CPEB4: variants seen among roughly 807,000 people sequenced by gnomAD.
The protein encoded by CPEB4 is cytoplasmic polyadenylation element binding protein 4, also known as cytoplasmic polyadenylation element-binding protein 4.
In CPEB4, 12 loss-of-function variants were observed where a neutral mutation model predicts 72.5. The ratio of observed to expected loss-of-function variants is 0.17; its 90% CI spans 0.11 to 0.27. The LOEUF (loss-of-function observed/expected upper bound fraction) is 0.27, where lower values mean the gene tolerates loss of function less well. Among genes scored for constraint, CPEB4 ranks in the 10% least tolerant of loss-of-function variants. CPEB4 has a pLI of 1.00. For missense variants in CPEB4, 614 were observed against 908.5 expected (o/e 0.68, Z 4.17); for synonymous variants, 302 against 326.3 (o/e 0.93, Z 0.80).
intron 3 of CPEB4, among the ~76,000 whole-genome samples, chr5:173,941,785 C>T (rs193120689): frequency 3.3e-5 from 5 of 152,140 alleles, no homozygotes; most frequent in East Asian, 3.9e-4. Context: ...GGCTGAGGCA[C>T]GAGAATCGCT....
intron 2 of CPEB4, among the ~76,000 whole-genome samples, chr5:173,930,497 G>A (rs1180140999): frequency 6.6e-6 from 1 of 152,142 alleles, no homozygotes; most frequent in African/African-American, 2.4e-5. Flanking sequence ...GTAGATTTGG[G>A]TGCTTGGCTA....
chr5:173,896,890 A>T (rs2113129737), intron 1 of CPEB4, among the ~76,000 whole-genome samples: 1 of 152,298 alleles, frequency 6.6e-6, no homozygotes, highest in East Asian at 1.9e-4. Flanking sequence ...GTCAGACCCC[A>T]TCTCTAGAAA....
chr5:173,916,177 A>G (rs1452993050), intron 2 of CPEB4, among the ~76,000 whole-genome samples: 2 of 152,244 alleles, frequency 1.3e-5, no homozygotes, highest in Admixed American at 6.5e-5. Context: ...TGTTCTTCAG[A>G]TATGAAATTA....
chr5:173,952,777 A>G (rs548694424), intron 8 of CPEB4, among the ~76,000 whole-genome samples: 11 of 152,324 alleles, frequency 7.2e-5, no homozygotes, highest in African/African-American at 2.6e-4. Context: ...GAGTACTATC[A>G]CTTAATGACC....
At chr5:173,918,659 A>G (rs13158748) in intron 2 of CPEB4, among the ~76,000 whole-genome samples, 3 of 152,216 alleles carry the variant, frequency 2.0e-5, no homozygotes, top group Non-Finnish European at 2.9e-5. Context: ...CCAGATCCTC[A>G]TCTGCCCCGT....
At chr5:173,953,392 A>G in intron 9 of CPEB4, 120 bp downstream of exon 9, 1 of 719,386 alleles carries the variant, frequency 1.4e-6, no homozygotes, top group Non-Finnish European at 2.2e-6. Flanking sequence ...TTGCCTATAG[A>G]GTTAATTATG....
rs1046998185 is a variant in CPEB4 at position 173,961,286 on chromosome 5, A to G, written c.*5149A>G. 1 of 152,220 alleles carries G rather than the reference A, an allele frequency of 6.6e-6. No homozygotes were observed. The highest frequency in any genetic ancestry group is 1.5e-5 in the Non-Finnish European group (1 of 68,040). 9.4% of individuals were successfully genotyped at this position (152,220 alleles called of 1,614,324 possible). ...TGGGTGGCATTTGGTTATCAAGTCT[A>G]TAATATTCCTAGGCATTCTGGGATG... On this transcript the variant is annotated 3_prime_UTR_variant, in exon 10 of 10. Transcript: ENST00000265085.
At chr5:173,912,412 G>A (rs1207444704) in intron 2 of CPEB4, among the ~76,000 whole-genome samples, 2 of 152,028 alleles carry the variant, frequency 1.3e-5, no homozygotes, top group Admixed American at 6.6e-5. Context: ...TGCCATTTGA[G>A]AACACTGGAT....
chr5:173,926,071 T>C (rs1757232777), intron 2 of CPEB4, among the ~76,000 whole-genome samples: 1 of 152,230 alleles, frequency 6.6e-6, no homozygotes, highest in African/African-American at 2.4e-5. Context: ...ATTGTTGGCA[T>C]GACTGTGAAA....
chr5:173,931,403 A>G (rs1213551347), intron 2 of CPEB4, among the ~76,000 whole-genome samples: 4 of 152,198 alleles, frequency 2.6e-5, no homozygotes, highest in South Asian at 2.1e-4. Context: ...TCCTAAAGGA[A>G]TGTTTGTAGT....
intron 2 of CPEB4, among the ~76,000 whole-genome samples, chr5:173,926,967 G>A (rs999213600): frequency 2.0e-5 from 3 of 151,962 alleles, no homozygotes; most frequent in Non-Finnish European, 4.4e-5. Flanking sequence ...TGGCCAACAT[G>A]GTGAAACTCT....
rs1756628398 is a variant in CPEB4, at chr5:173,910,782, A to G, written c.1207+178A>G. On this transcript the variant is annotated intron_variant, in intron 2 of 9. Transcript: ENST00000265085. ...AATCCAACATACTTGATGAACCTCTATAGTGGAGCCATCGTGATACCAGGT... is the reference window on the plus strand; with the variant it reads ...AATCCAACATACTTGATGAACCTCTGTAGTGGAGCCATCGTGATACCAGGT... 4 of 561,342 alleles carry G rather than the reference A, an allele frequency of 7.1e-6. No homozygotes were observed. The East Asian group carries it at 1.2e-4, about 17-fold the overall frequency. The allele number at this position is 561,342 out of a possible 1,614,324, so 34.8% of individuals were successfully genotyped here.
At chr5:173,926,686 C>A (rs2113221857) in intron 2 of CPEB4, among the ~76,000 whole-genome samples, 1 of 152,294 alleles carries the variant, frequency 6.6e-6, no homozygotes, top group East Asian at 1.9e-4. Context: ...AAGATTAGGG[C>A]TGCTGACCAG....
intron 2 of CPEB4, among the ~76,000 whole-genome samples, chr5:173,925,830 T>A (rs987008557): frequency 6.6e-6 from 1 of 152,222 alleles, no homozygotes; most frequent in African/African-American, 2.4e-5. Flanking sequence ...GCAGCACTTC[T>A]AGTTAGGCAA....
intron 2 of CPEB4, among the ~76,000 whole-genome samples, chr5:173,919,877 C>A (rs1041104556): frequency 2.6e-5 from 4 of 152,242 alleles, no homozygotes; most frequent in African/African-American, 9.6e-5. Flanking sequence ...ACTGTATGTG[C>A]CTGGATTGTG....
intron 2 of CPEB4, among the ~76,000 whole-genome samples, chr5:173,919,721 G>A (rs1757007661): frequency 6.6e-6 from 1 of 152,152 alleles, no homozygotes; most frequent in Admixed American, 6.5e-5. Context: ...ATTCATAGTT[G>A]TCATAAAAAT....
chr5:173,937,968 A>G (rs377265621), intron 3 of CPEB4, among the ~76,000 whole-genome samples: 1 of 152,256 alleles, frequency 6.6e-6, no homozygotes, highest in African/African-American at 2.4e-5. Context: ...CAGTGAGCCT[A>G]TTAAATTAGG....
chr5:173,920,020 T>A (rs1481257898), intron 2 of CPEB4, among the ~76,000 whole-genome samples: 1 of 152,246 alleles, frequency 6.6e-6, no homozygotes, highest in Non-Finnish European at 1.5e-5. Context: ...AAAGGAATAC[T>A]TTTTAAGAAG....
rs1216062439 is a variant in CPEB4 at position 173,959,254 on chromosome 5, A to C, written c.*3117A>C. ...AGAGTAATTACATGGTGATTTTTGC[A>C]ATGTAAAATAAAGTGTTTCTGATTA... is the stretch of plus-strand genomic sequence containing the variant. On this transcript the variant is annotated 3_prime_UTR_variant, in exon 10 of 10. Coordinates refer to ENST00000265085, the MANE Select transcript of CPEB4 (RefSeq NM_030627.4). The C allele has an allele frequency of 6.5e-6, 1 of 152,796 alleles. No homozygotes were observed. Among genetic ancestry groups the C allele is most frequent in the African/African-American group, 2.4e-5 (1 of 41,470 alleles). 9.5% of individuals were successfully genotyped at this position (152,796 alleles called of 1,614,324 possible).
Sources: gnomAD v4.1 joint callset for allele counts (sites outside exome capture counted in the v4.1 genomes callset) on GRCh38, gnomAD v4.1.1 for gene constraint, MANE v1.5 for transcripts, NCBI Gene and HGNC (gene_info 2026-07-23, HGNC 2026-07-21) for gene names.